The following PCDHGB7 variants were observed in gnomAD, a reference collection of about 807,000 sequenced individuals.
PCDHGB7 encodes the protein protocadherin gamma-B7.
PCDHGB7 carries 37 observed loss-of-function variants against 61.4 expected under a neutral mutation model. The ratio of observed to expected loss-of-function variants is 0.60; its 90% CI spans 0.46 to 0.79. The LOEUF (loss-of-function observed/expected upper bound fraction) is 0.79, where lower values mean the gene tolerates loss of function less well. Among genes scored for constraint, PCDHGB7 ranks in the 30% least tolerant of loss-of-function variants. The pLI is 0.00. For synonymous variants in PCDHGB7, 464 were observed against 503.5 expected, an observed-to-expected ratio of 0.92 and a Z score of 1.05; for missense variants, 1,166 against 1,202.5, an observed-to-expected ratio of 0.97 and a Z score of 0.45.
intron 1 of PCDHGB7, among the ~76,000 whole-genome samples, chr5:141,450,006 CTTTTT>C (rs1554136305): frequency 1.5e-5 from 2 of 132,980 alleles, no homozygotes; most frequent in African/African-American, 2.8e-5. Flanking sequence ...TGCCATGTCT[CTTTTT>C]TTTTTTTTTT....
Position 141,489,352 on chromosome 5 carries a change from G to A in PCDHGB7, c.2416-5455G>A, listed in dbSNP as rs1336068787. 1.9e-6 allele frequency: 3 copies of A among 1,612,152 alleles called. No homozygotes were observed. In the Admixed American group the frequency reaches 5.0e-5, roughly 27 times the overall value. On this transcript the variant is annotated intron_variant, in intron 1 of 3. Transcript: ENST00000398594. The surrounding 1 kb of genome is among the most constrained non-coding windows in gnomAD (Gnocchi z 4.5). ...GCAGCTTCGTTACTCAGTGGTGGAG[G>A]AGTCTGAGCCGGGGACGCTGGTGGG...
In PCDHGB7 at chr5:141,420,274, GGTAA is replaced by G. The variant is rs1362175190; in HGVS notation, c.2415+4_2415+7del. 5.9e-6 allele frequency: 9 copies of G among 1,525,426 alleles called. 1 individual carries two copies. The highest frequency in any genetic ancestry group is 2.1e-5 in the Admixed American group (1 of 48,284). 94.5% of individuals were successfully genotyped at this position (1,525,426 alleles called of 1,614,324 possible). On this transcript the variant is annotated splice_donor_variant and splice_donor_region_variant and intron_variant, in intron 1 of 3. Coordinates refer to ENST00000398594, the MANE Select transcript of PCDHGB7 (RefSeq NM_018927.4). LOFTEE classifies it high-confidence loss of function. ...AAGCAGATAAGAAGATTCTTAAACAGGTAAGTATTTAAAAATGTATTTAATCCTT... is the reference window on the plus strand; with the variant it reads ...AAGCAGATAAGAAGATTCTTAAACAGGTATTTAAAAATGTATTTAATCCTT...
Position 141,419,776 on chromosome 5 carries a change from C to T in PCDHGB7, c.1917C>T (p.Arg639=), listed in dbSNP as rs965350189. The T allele has an allele frequency of 1.2e-6, 2 of 1,614,026 alleles. No homozygotes were observed. The highest frequency in any genetic ancestry group is 1.7e-5 in the Admixed American group (1 of 60,032). ...VRALGDKDSV[R]QRLLVAVRDG... ...CTTTGGGTGACAAGGACTCGGTCCGCCAGCGCCTGCTAGTCGCTGTAAGAG... is the reference window on the plus strand; with the variant it reads ...CTTTGGGTGACAAGGACTCGGTCCGTCAGCGCCTGCTAGTCGCTGTAAGAG... Residue 639 remains arginine (R), a synonymous_variant, in exon 1 of 4, where the codon CGC becomes CGT. Transcript: ENST00000398594.
intron 1 of PCDHGB7, among the ~76,000 whole-genome samples, chr5:141,433,752 G>A (rs975941520): frequency 6.6e-6 from 1 of 151,206 alleles, no homozygotes; most frequent in Non-Finnish European, 1.5e-5. Context: ...CAGGAGAATT[G>A]CTTTAACCTG....
chr5:141,502,785 A>G (rs576095718), intron 2 of PCDHGB7, among the ~76,000 whole-genome samples: 2 of 150,900 alleles, frequency 1.3e-5, no homozygotes, highest in East Asian at 3.9e-4. Context: ...AATTACCTGG[A>G]TGATTTCTTC....
rs200411745 is a variant in PCDHGB7, at chr5:141,490,281, C to T, written c.2416-4526C>T. The T allele has an allele frequency of 1.2e-6, 2 of 1,614,070 alleles. No homozygotes were observed. The highest frequency in any genetic ancestry group is 1.3e-5 in the African/African-American group (1 of 74,924). On this transcript the variant is annotated intron_variant, in intron 1 of 3. Transcript: ENST00000398594. This position sits in a 1 kb window ranked among gnomAD's most constrained non-coding sequence, Gnocchi z 5.4. The stretch of plus-strand genomic sequence containing the variant: ...ATGTGGGGGATGTCAATGACAATGC[C>T]CCAGAGGTGCTATTGGCCTCTTTGG...
chr5:141,494,115 GC>G (rs1445167222), intron 1 of PCDHGB7, among the ~76,000 whole-genome samples: 1 of 152,186 alleles, frequency 6.6e-6, no homozygotes, highest in African/African-American at 2.4e-5. Context: ...AGACAGAGCA[GC>G]CTTGTTCTCT....
rs1208504589 is a variant in PCDHGB7, at chr5:141,431,631, T to C, written c.2415+11357T>C. On this transcript the variant is annotated intron_variant, in intron 1 of 3. Coordinates refer to ENST00000398594, the MANE Select transcript of PCDHGB7 (RefSeq NM_018927.4). The surrounding 1 kb of genome is among the most constrained non-coding windows in gnomAD (Gnocchi z 4.8). ...TATGTGGACGACAAGGCGGCCCAAG[T>C]TTTCAAACTAGATTGTAATTCAGGG... The C allele has an allele frequency of 6.2e-6, 10 of 1,614,132 alleles. No individual in the cohort carries two copies. Among genetic ancestry groups the C allele is most frequent in the Non-Finnish European group, 8.5e-6 (10 of 1,180,016 alleles).
In PCDHGB7 at chr5:141,510,989, C is replaced by A. The variant is rs2099883548; in HGVS notation, c.2606C>A (p.Thr869Asn). The A allele has an allele frequency of 1.2e-6, 2 of 1,614,198 alleles. No homozygotes were observed. The highest frequency in any genetic ancestry group is 1.7e-6 in the Non-Finnish European group (2 of 1,180,022). ...TCCACCCTGGGAGGGGGTGCCGGCA[C>A]CATGGGATTGAGCGCCCGCTACGGA... is the stretch of plus-strand genomic sequence containing the variant. ...GSSTLGGGAG[T>N]MGLSARYGPQ... Residue 869 changes from threonine to asparagine, a missense_variant, in exon 4 of 4, where the codon ACC becomes AAC. Thr to Asn is a moderately conservative substitution (Grantham distance 65, BLOSUM62 0). Transcript: ENST00000398594.
Position 141,512,738 on chromosome 5 carries a change from C to A in PCDHGB7, c.*1565C>A, listed in dbSNP as rs1350606944. 2 of 152,840 alleles carry A rather than the reference C, an allele frequency of 1.3e-5. No individual in the cohort carries two copies. The highest frequency in any genetic ancestry group is 2.1e-4 in the South Asian group (1 of 4,838). The allele number at this position is 152,840 out of a possible 1,614,324, so 9.5% of individuals were successfully genotyped here. A position where few individuals can be genotyped will look rare whatever the true frequency, so the allele number is the denominator to read the frequency against. On this transcript the variant is annotated 3_prime_UTR_variant, in exon 4 of 4. Transcript: ENST00000398594. ...TGGCGGGTGGGCAGCGGGCGGCGGG[C>A]TCCGCGCAGCCGTCTGTCCTTGATC...
chr5:141,497,502 T>C (rs1216218103), intron 2 of PCDHGB7, among the ~76,000 whole-genome samples: 1 of 151,628 alleles, frequency 6.6e-6, no homozygotes, highest in East Asian at 1.9e-4. Flanking sequence ...CTCTCCTCTC[T>C]CTGCTTCCTT....
At chr5:141,478,118 G>C in intron 1 of PCDHGB7, 2 of 1,614,048 alleles carry the variant, frequency 1.2e-6, no homozygotes, top group African/African-American at 1.3e-5. Context: ...GTCAGTAACC[G>C]AGGACTCTCC....
Position 141,485,842 on chromosome 5 carries a change from T to G in PCDHGB7, c.2416-8965T>G. 4 of 1,614,002 alleles carry G rather than the reference T, an allele frequency of 2.5e-6. No homozygotes were observed. The highest frequency in any genetic ancestry group is 3.4e-6 in the Non-Finnish European group (4 of 1,179,982). On this transcript the variant is annotated intron_variant, in intron 1 of 3. Coordinates refer to ENST00000398594, the MANE Select transcript of PCDHGB7 (RefSeq NM_018927.4). The surrounding 1 kb of genome is among the most constrained non-coding windows in gnomAD (Gnocchi z 5.7). ...TCGATGGAGGGAACCCGCCGAGATC[T>G]GGCACCGCAGAGCTCCGGGTATCCG...
chr5:141,430,723 A>C lies in PCDHGB7; in HGVS notation c.2415+10449A>C, dbSNP rs554822923. ...GAACTGCTCCTGACTTCAGTGGTTAAGGGCAGAATTGAAAATAATTCTGGA... is the reference window on the plus strand; with the variant it reads ...GAACTGCTCCTGACTTCAGTGGTTACGGGCAGAATTGAAAATAATTCTGGA... On this transcript the variant is annotated intron_variant, in intron 1 of 3. Transcript: ENST00000398594. 58 of 1,493,590 alleles carry C rather than the reference A, an allele frequency of 3.9e-5. No homozygotes were observed. The African/African-American group carries it at 7.7e-4, about 20-fold the overall frequency. The allele number at this position is 1,493,590 out of a possible 1,614,324, so 92.5% of individuals were successfully genotyped here. A position where few individuals can be genotyped will look rare whatever the true frequency, so the allele number is the denominator to read the frequency against.
rs1481706003 is a variant in PCDHGB7, at chr5:141,491,416, G to A, written c.2416-3391G>A. On this transcript the variant is annotated intron_variant, in intron 1 of 3. Transcript: ENST00000398594. This position sits in a 1 kb window ranked among gnomAD's most constrained non-coding sequence, Gnocchi z 6.9. ...TCAGGGAAACGCAGACGGGGACGGG[G>A]GTGGAGGGCAGTGCTGCAGGCGCCA... 3 of 1,614,138 alleles carry A rather than the reference G, an allele frequency of 1.9e-6. No homozygotes were observed. The highest frequency in any genetic ancestry group is 2.2e-5 in the East Asian group (1 of 44,874).
At chr5:141,494,676 CT>C (rs2099756021) in intron 1 of PCDHGB7, 130 bp from the exon 2 acceptor site, 6 of 1,550,918 alleles carry the variant, frequency 3.9e-6, no homozygotes, top group Non-Finnish European at 4.4e-6. Context: ...GAGTCCACCC[CT>C]GCCCCCTCTT....
chr5:141,485,431 C>G lies in PCDHGB7; in HGVS notation c.2416-9376C>G, dbSNP rs1594481071. ...ATTTGGACAGCGGAGCCCTGCTCAT[C>G]AAGAACCCAATCGACCGAGAGGCAC... On this transcript the variant is annotated intron_variant, in intron 1 of 3. Coordinates refer to ENST00000398594, the MANE Select transcript of PCDHGB7 (RefSeq NM_018927.4). The surrounding 1 kb of genome is among the most constrained non-coding windows in gnomAD (Gnocchi z 5.7). 8.7e-6 allele frequency: 14 copies of G among 1,614,198 alleles called. No homozygotes were observed. Among genetic ancestry groups the G allele is most frequent in the Non-Finnish European group, 1.1e-5 (13 of 1,180,038 alleles).
intron 1 of PCDHGB7, among the ~76,000 whole-genome samples, chr5:141,482,314 A>G (rs1279804501): frequency 6.6e-6 from 1 of 152,180 alleles, no homozygotes; most frequent in Admixed American, 6.5e-5. Flanking sequence ...TTCCTCATCT[A>G]TAAAATAAAG....
At position 141,485,683 on chromosome 5, in the gene PCDHGB7, T is replaced by C. The variant is rs2099617681; in HGVS notation, c.2416-9124T>C. ...TGGGGAGCAATTCGATTAGCAGCTA[T>C]AGGCTGAGCTCCAATGAACACTTTG... On this transcript the variant is annotated intron_variant, in intron 1 of 3. Coordinates refer to ENST00000398594, the MANE Select transcript of PCDHGB7 (RefSeq NM_018927.4). This position sits in a 1 kb window ranked among gnomAD's most constrained non-coding sequence, Gnocchi z 5.7. 3.7e-6 allele frequency: 6 copies of C among 1,614,042 alleles called. No individual in the cohort carries two copies. The South Asian group carries it at 4.4e-5, about 12-fold the overall frequency.
Sources: gnomAD v4.1 joint callset for allele counts (sites outside exome capture counted in the v4.1 genomes callset) on GRCh38, gnomAD v4.1.1 for gene constraint, Gnocchi (gnomAD v3.1) non-coding constraint, MANE v1.5 for transcripts, NCBI Gene and HGNC (gene_info 2026-07-23, HGNC 2026-07-21) for gene names.